Variants in SYTL2 observed in about 807,000 individuals in gnomAD.
SYTL2 encodes the protein synaptotagmin like 2, also known as synaptotagmin-like protein 2.
In SYTL2, 165 loss-of-function variants were observed where a neutral mutation model predicts 198.7. The ratio of observed to expected loss-of-function variants is 0.83; its 90% CI spans 0.73 to 0.94. SYTL2 has a LOEUF of 0.94. Ranked by LOEUF, SYTL2 falls within the 40% of genes least tolerant of loss-of-function variation. The pLI is 0.00. For missense variants in SYTL2, 2,835 were observed against 2,582.8 expected, an observed-to-expected ratio of 1.10 and a Z score of -2.12; for synonymous variants, 966 against 917.7, an observed-to-expected ratio of 1.05 and a Z score of -0.95.
At chr11:85,723,054 T>C (rs1414249842) in intron 8 of SYTL2, among the ~76,000 whole-genome samples, 5 of 152,224 alleles carry the variant, frequency 3.3e-5, no homozygotes, top group African/African-American at 4.8e-5. Flanking sequence ...GGTTAAAATG[T>C]CCCAGCCAAA....
chr11:85,815,304 C>A (rs2093060068), upstream of SYTL2, among the ~76,000 whole-genome samples: 1 of 152,068 alleles, frequency 6.6e-6, no homozygotes, highest in Admixed American at 6.5e-5. Flanking sequence ...TGCTAAAATG[C>A]TATATAATTA....
chr11:85,797,565 T>C (rs1047376607), intron 1 of SYTL2, among the ~76,000 whole-genome samples: 1 of 151,300 alleles, frequency 6.6e-6, no homozygotes, highest in African/African-American at 2.4e-5. Flanking sequence ...GAGGCAGACA[T>C]TGCAGTGAGC....
intron 7 of SYTL2, 143 bp from the exon 8 acceptor site, chr11:85,728,110 T>A: frequency 1.4e-6 from 1 of 706,690 alleles, no homozygotes; most frequent in Non-Finnish European, 2.2e-6. Context: ...TTTCAGGGGT[T>A]AAAATGTAAG....
At chr11:85,808,936 T>A (rs1000426554) in intron 1 of SYTL2, among the ~76,000 whole-genome samples, 3 of 151,568 alleles carry the variant, frequency 2.0e-5, no homozygotes, top group African/African-American at 7.3e-5. Context: ...GTTTAAAAAT[T>A]CTTTGTAAAA....
At chr11:85,728,082 G>A (rs2089422716) in intron 7 of SYTL2, 115 bp from the exon 8 acceptor site, 4 of 879,232 alleles carry the variant, frequency 4.5e-6, no homozygotes, top group Non-Finnish European at 6.8e-6. Flanking sequence ...TATACCAATA[G>A]CTGTTTATAC....
At chr11:85,735,314 GT>G (rs34855876) in intron 6 of SYTL2, among the ~76,000 whole-genome samples, 1 of 151,998 alleles carries the variant, frequency 6.6e-6, no homozygotes, top group Admixed American at 6.5e-5. Context: ...AATACAGAAA[GT>G]TTTTTTAAGA....
chr11:85,835,184 G>A, the SYTL2 span, among the ~76,000 whole-genome samples: 2 of 152,214 alleles, frequency 1.3e-5, no homozygotes, highest in Middle Eastern at 3.4e-3. Context: ...ATTAAGATAA[G>A]GGTCTAATTT....
At chr11:85,799,836 A>G (rs776894664) in intron 1 of SYTL2, among the ~76,000 whole-genome samples, 1 of 152,198 alleles carries the variant, frequency 6.6e-6, no homozygotes, top group Non-Finnish European at 1.5e-5. Flanking sequence ...CTGGACTCTG[A>G]GCCTAAAACA....
At chr11:85,715,319 A>T (rs1385600839) in intron 11 of SYTL2, among the ~76,000 whole-genome samples, 2 of 152,130 alleles carry the variant, frequency 1.3e-5, no homozygotes, top group Non-Finnish European at 2.9e-5. Context: ...TCTTATGGTG[A>T]ATCACAGCTC....
At chr11:85,778,223 G>A (rs1000635679) in intron 1 of SYTL2, among the ~76,000 whole-genome samples, 1 of 152,114 alleles carries the variant, frequency 6.6e-6, no homozygotes. Context: ...GAAATTCACA[G>A]GTGTAATTCA....
the SYTL2 span, among the ~76,000 whole-genome samples, chr11:85,836,308 CTCTG>C: frequency 6.6e-6 from 1 of 151,732 alleles, no homozygotes; most frequent in African/African-American, 2.4e-5. Flanking sequence ...CTTTCCAATT[CTCTG>C]TCTTTTTGGA....
At chr11:85,833,683 T>G in the SYTL2 span, among the ~76,000 whole-genome samples, 2 of 150,830 alleles carry the variant, frequency 1.3e-5, no homozygotes, top group African/African-American at 4.9e-5. Context: ...GGCAATTAGT[T>G]AGTAAAAGCA....
At chr11:85,791,166 C>CAAAAAAAAAAAAAAAAAAAAAAAA (rs568061365) in intron 1 of SYTL2, among the ~76,000 whole-genome samples, 1 of 39,530 alleles carries the variant, frequency 2.5e-5, no homozygotes, top group Non-Finnish European at 3.9e-5. Flanking sequence ...GAGTCTGCCT[C>CAAAAAAAAAAAAAAAAAAAAAAAA]AAAAAAAAAA....
intron 12 of SYTL2, among the ~76,000 whole-genome samples, chr11:85,713,651 G>A (rs762394863): frequency 3.4e-4 from 52 of 152,150 alleles, no homozygotes; most frequent in Non-Finnish European, 5.9e-4. Flanking sequence ...ACCTCTCTGC[G>A]GCTCTTTCTT....
intron 1 of SYTL2, among the ~76,000 whole-genome samples, chr11:85,803,288 C>T (rs1251084467): frequency 6.6e-6 from 1 of 152,216 alleles, no homozygotes; most frequent in Non-Finnish European, 1.5e-5. Flanking sequence ...TCATATCATG[C>T]ACAACATGAA....
chr11:85,702,470 C>T (rs1412924522), intron 16 of SYTL2, among the ~76,000 whole-genome samples: 1 of 152,152 alleles, frequency 6.6e-6, no homozygotes, highest in Non-Finnish European at 1.5e-5. Flanking sequence ...AAGCTGAGAG[C>T]CACCGCACCC....
chr11:85,790,770 A>T (rs889847652), intron 1 of SYTL2, among the ~76,000 whole-genome samples: 4 of 152,236 alleles, frequency 2.6e-5, no homozygotes, highest in African/African-American at 7.2e-5. Flanking sequence ...TCCACAGCAG[A>T]AGAGATAAAC....
chr11:85,717,458 T>C, intron 11 of SYTL2, 25 bp downstream of exon 11: 1 of 1,602,338 alleles, frequency 6.2e-7, no homozygotes, highest in Non-Finnish European at 8.5e-7. Flanking sequence ...GTTTAGTCAT[T>C]TGTGAGAAAG....
the SYTL2 span, among the ~76,000 whole-genome samples, chr11:85,842,818 T>G: frequency 6.6e-6 from 1 of 152,172 alleles, no homozygotes; most frequent in Non-Finnish European, 1.5e-5. Context: ...TCAGGATAGC[T>G]GGGTAGGAAG....
Sources: gnomAD v4.1 joint callset for allele counts (sites outside exome capture counted in the v4.1 genomes callset) on GRCh38, gnomAD v4.1.1 for gene constraint, MANE v1.5 for transcripts, NCBI Gene and HGNC (gene_info 2026-07-23, HGNC 2026-07-21) for gene names.